Variants in MET observed in about 807,000 individuals in gnomAD.
The protein encoded by MET is hepatocyte growth factor receptor.
A neutral mutation model predicts 133.1 loss-of-function variants in MET; 48 were observed. That is an observed-to-expected ratio of 0.36 (90% CI 0.29 to 0.46). The LOEUF (loss-of-function observed/expected upper bound fraction) is 0.46, where lower values mean the gene tolerates loss of function less well. Ranked by LOEUF, MET falls within the 20% of genes least tolerant of loss-of-function variation. MET has a pLI of 1.00. For missense variants in MET, 1,442 were observed against 1,695.9 expected, an observed-to-expected ratio of 0.85 and a Z score of 2.63; for synonymous variants, 628 against 616.5, an observed-to-expected ratio of 1.02 and a Z score of -0.28.
At chr7:116,740,590 A>G (rs1280848117) in intron 4 of MET, among the ~76,000 whole-genome samples, 1 of 152,244 alleles carries the variant, frequency 6.6e-6, no homozygotes, top group Non-Finnish European at 1.5e-5. Context: ...CCTACTATGT[A>G]GAACCTCTAA....
intron 3 of MET, among the ~76,000 whole-genome samples, chr7:116,736,552 T>C (rs1006317147): frequency 3.3e-5 from 5 of 152,192 alleles, no homozygotes; most frequent in South Asian, 2.1e-4. Context: ...TTTGTGGATA[T>C]CTCACACAAA....
intron 1 of MET, among the ~76,000 whole-genome samples, chr7:116,683,167 A>T (rs1796424765): frequency 6.6e-6 from 1 of 152,184 alleles, no homozygotes; most frequent in Admixed American, 6.5e-5. Context: ...TCACCCAGGT[A>T]TTAAGCCTAG....
chr7:116,785,697 A>G (rs1217229328), intron 19 of MET, among the ~76,000 whole-genome samples: 1 of 152,230 alleles, frequency 6.6e-6, no homozygotes, highest in Admixed American at 6.5e-5. Context: ...AGGAAGATGA[A>G]GTGAGAAGTG....
chr7:116,754,709 C>T (rs1794058224), intron 5 of MET, among the ~76,000 whole-genome samples: 2 of 151,144 alleles, frequency 1.3e-5, no homozygotes, highest in African/African-American at 2.4e-5. Context: ...CCCAGCTACT[C>T]AGGAGGCTAA....
At chr7:116,778,310 C>T (rs1795053670) in intron 16 of MET, among the ~76,000 whole-genome samples, 1 of 152,210 alleles carries the variant, frequency 6.6e-6, no homozygotes, top group South Asian at 2.1e-4. Flanking sequence ...TTAACCAGCT[C>T]TACTACAAAC....
chr7:116,780,876 G>A (rs1795135301), intron 17 of MET, among the ~76,000 whole-genome samples: 1 of 152,196 alleles, frequency 6.6e-6, no homozygotes, highest in South Asian at 2.1e-4. Context: ...TTCTTTCTGA[G>A]CCTCCTCTAT....
chr7:116,730,109 TTAGA>T (rs1223137322), intron 2 of MET, among the ~76,000 whole-genome samples: 4 of 152,154 alleles, frequency 2.6e-5, no homozygotes, highest in Non-Finnish European at 5.9e-5. Flanking sequence ...AGCATTTGAC[TTAGA>T]TAGTGGGGTC....
intron 1 of MET, among the ~76,000 whole-genome samples, chr7:116,697,632 A>T (rs572384348): frequency 2.6e-4 from 39 of 152,238 alleles, no homozygotes; most frequent in African/African-American, 9.4e-4. Context: ...TTTATTCAGT[A>T]TCTATTTGTT....
At chr7:116,719,403 G>A (rs1315122312) in intron 2 of MET, among the ~76,000 whole-genome samples, 1 of 152,110 alleles carries the variant, frequency 6.6e-6, no homozygotes, top group Non-Finnish European at 1.5e-5. Context: ...TTTGTCAGAT[G>A]AGTAGGTTGC....
chr7:116,764,942 A>G (rs984908068), intron 11 of MET, among the ~76,000 whole-genome samples: 3 of 152,170 alleles, frequency 2.0e-5, no homozygotes, highest in African/African-American at 2.4e-5. Context: ...CAAAGGCATA[A>G]GAGAATATTT....
intron 3 of MET, among the ~76,000 whole-genome samples, chr7:116,733,182 A>G (rs1793085764): frequency 6.6e-6 from 1 of 152,094 alleles, no homozygotes; most frequent in Non-Finnish European, 1.5e-5. Context: ...CATATCTATT[A>G]TGTGTAAAAT....
Position 116,695,757 on chromosome 7 carries a change from A to T in MET, c.-14-3314A>T, listed in dbSNP as rs80153920. On this transcript the variant is annotated intron_variant, in intron 1 of 20. Transcript: ENST00000397752. ...ATACTTCCTTCTTCACAGGGTGGTGATGAAGAGTAAATCAAAGAGTTTAGC... is the reference window on the plus strand; with the variant it reads ...ATACTTCCTTCTTCACAGGGTGGTGTTGAAGAGTAAATCAAAGAGTTTAGC... The T allele has an allele frequency of 0.048, 23,402 of 490,252 alleles. 761 individuals are homozygous for T. Among genetic ancestry groups the T allele is most frequent in the African/African-American group, 0.097 (4,924 of 50,750 alleles). The allele number at this position is 490,252 out of a possible 1,614,324, so 30.4% of individuals were successfully genotyped here.
intron 12 of MET, 29 bp downstream of exon 12, chr7:116,769,820 TA>T (rs1248209070): frequency 6.2e-7 from 1 of 1,613,216 alleles, no homozygotes; most frequent in Non-Finnish European, 8.5e-7. Context: ...TCTCATGATG[TA>T]AATAAGGAAG....
chr7:116,779,004 A>G (rs747003224), intron 17 of MET, 47 bp downstream of exon 17: 4 of 1,598,714 alleles, frequency 2.5e-6, no homozygotes, highest in Non-Finnish European at 3.4e-6. Flanking sequence ...GCTGTAAGCC[A>G]GCCATCCCTT....
intron 5 of MET, among the ~76,000 whole-genome samples, chr7:116,744,211 C>A (rs1398473599): frequency 1.3e-5 from 2 of 151,898 alleles, no homozygotes; most frequent in African/African-American, 2.4e-5. Context: ...CAGCAGCAGG[C>A]CTCAGAATTT....
At chr7:116,786,119 A>G (rs1237453745) in intron 19 of MET, among the ~76,000 whole-genome samples, 2 of 152,208 alleles carry the variant, frequency 1.3e-5, no homozygotes, top group African/African-American at 4.8e-5. Flanking sequence ...GTTGGGCTCT[A>G]TTGAGGGCTC....
chr7:116,685,639 C>G (rs1410155882), intron 1 of MET, among the ~76,000 whole-genome samples: 1 of 151,912 alleles, frequency 6.6e-6, no homozygotes, highest in African/African-American at 2.4e-5. Flanking sequence ...TTAGCCAACA[C>G]CACATCACTG....
At chr7:116,769,107 G>T (rs1794742601) in intron 11 of MET, among the ~76,000 whole-genome samples, 1 of 152,086 alleles carries the variant, frequency 6.6e-6, no homozygotes, top group South Asian at 2.1e-4. Context: ...AACAAAAAAA[G>T]AATGTATTAA....
At chr7:116,776,354 T>G (rs1346372147) in intron 15 of MET, among the ~76,000 whole-genome samples, 1 of 152,240 alleles carries the variant, frequency 6.6e-6, no homozygotes, top group Non-Finnish European at 1.5e-5. Context: ...CAGAGTAATA[T>G]ATAGTTCTGT....
Sources: gnomAD v4.1 joint callset for allele counts (sites outside exome capture counted in the v4.1 genomes callset) on GRCh38, gnomAD v4.1.1 for gene constraint, MANE v1.5 for transcripts, NCBI Gene and HGNC (gene_info 2026-07-23, HGNC 2026-07-21) for gene names.